APEX1: variants seen among roughly 807,000 people sequenced by gnomAD.
APEX1 encodes the protein DNA repair nuclease/redox regulator APEX1.
A neutral mutation model predicts 33.2 loss-of-function variants in APEX1; 32 were observed. The ratio of observed to expected loss-of-function variants is 0.96; its 90% CI spans 0.73 to 1.29. The LOEUF (loss-of-function observed/expected upper bound fraction) is 1.29, where lower values mean the gene tolerates loss of function less well. Among genes scored for constraint, APEX1 ranks in the 50% most tolerant of loss-of-function variants. APEX1 has a pLI of 0.00. For missense variants in APEX1, 442 were observed against 395.6 expected (o/e 1.12, Z -0.99); for synonymous variants, 175 against 156.6 (o/e 1.12, Z -0.88).
intron 3 of APEX1, 89 bp downstream of exon 3, chr14:20,456,190 T>TAAAC: frequency 6.8e-7 from 1 of 1,470,186 alleles, no homozygotes; most frequent in Non-Finnish European, 9.4e-7. Context: ...GCCTTCAGGC[T>TAAAC]GTTTTATTTT....
rs1881377914 is a variant in APEX1 at position 20,456,649 on chromosome 14, C to T, written c.247-19C>T. The T allele has an allele frequency of 1.9e-6, 3 of 1,608,400 alleles. No homozygotes were observed. The highest frequency in any genetic ancestry group is 2.6e-6 in the Non-Finnish European group (3 of 1,175,034). Reference sequence around the variant, plus strand: ...TGCTGAATTGATAATACGTTTTCCACCTTTCTTTTCACTTACAGTGGGTAA... The same window carrying T: ...TGCTGAATTGATAATACGTTTTCCATCTTTCTTTTCACTTACAGTGGGTAA... On this transcript the variant is annotated intron_variant, in intron 3 of 4. Transcript: ENST00000216714.
In APEX1 at chr14:20,457,172, G is replaced by A. The variant is rs991315635; in HGVS notation, c.621G>A (p.Leu207=). 2 of 1,614,194 alleles carry A rather than the reference G, an allele frequency of 1.2e-6. No individual in the cohort carries two copies. Among genetic ancestry groups the A allele is most frequent in the Non-Finnish European group, 1.7e-6 (2 of 1,180,036 alleles). The change falls in exon 5 of 5, where the codon CTG becomes CTA. Residue 207 remains leucine, a synonymous_variant. Transcript: ENST00000216714. ...TGGCTTCCCGAAAGCCCCTTGTGCT[G>A]TGTGGAGACCTCAATGTGGCACATG... The part of the protein sequence containing the change: ...KGLASRKPLV[L]CGDLNVAHEE...
chr14:20,456,243 A>G (rs191119659), intron 3 of APEX1, 142 bp downstream of exon 3: 1 of 944,542 alleles, frequency 1.1e-6, no homozygotes, highest in South Asian at 1.5e-5. Flanking sequence ...CAGTCTTGCC[A>G]GTTGTATTTC....
At chr14:20,455,453 G>A in intron 1 of APEX1, 59 bp downstream of exon 1, 6 of 861,094 alleles carry the variant, frequency 7.0e-6, no homozygotes, top group Middle Eastern at 3.5e-4. Flanking sequence ...GGCCTATGAT[G>A]CACGGAGGCG....
chr14:20,457,709 A>G lies in APEX1; in HGVS notation c.*201A>G, dbSNP rs185469522. 1.5e-6 allele frequency: 1 copy of G among 676,182 alleles called. No homozygotes were observed. The highest frequency in any genetic ancestry group is 1.8e-5 in the African/African-American group (1 of 55,338). 41.9% of individuals were successfully genotyped at this position (676,182 alleles called of 1,614,324 possible). The stretch of plus-strand genomic sequence containing the variant: ...TTTGTTTTTTAAAAAAAAATTGAAC[A>G]AAGACTACTAATGACTTTGTTTGAA... On this transcript the variant is annotated 3_prime_UTR_variant, in exon 5 of 5. Coordinates refer to ENST00000216714, the MANE Select transcript of APEX1 (RefSeq NM_001641.4).
Position 20,457,387 on chromosome 14 carries a change from G to A in APEX1, c.836G>A (p.Gly279Asp). The A allele has an allele frequency of 6.2e-7, 1 of 1,614,176 alleles. No individual in the cohort carries two copies. Among genetic ancestry groups the A allele is most frequent in the South Asian group, 1.1e-5 (1 of 91,074 alleles). ...ATGAATGCTCGATCCAAGAATGTTG[G>A]TTGGCGCCTTGATTACTTTTTGTTG... ...YMMNARSKNV[G>D]WRLDYFLLSH... Residue 279 changes from glycine to aspartate, a missense_variant, in exon 5 of 5, where the codon GGT (glycine) becomes GAT (aspartate). By Grantham distance (94) the Gly-to-Asp change is moderately conservative. Coordinates refer to ENST00000216714, the MANE Select transcript of APEX1 (RefSeq NM_001641.4).
At chr14:20,456,289 CTT>C (rs947189766) in intron 3 of APEX1, among the ~76,000 whole-genome samples, 188 bp downstream of exon 3, 22 of 152,130 alleles carry the variant, frequency 1.4e-4, no homozygotes, top group Admixed American at 1.2e-3. Flanking sequence ...TTGCCATTTT[CTT>C]TTTTAGTGTT....
In APEX1 at chr14:20,456,812, G is replaced by T; in HGVS notation, c.391G>T (p.Val131Leu). The T allele has an allele frequency of 6.2e-7, 1 of 1,614,214 alleles. No homozygotes were observed. Among genetic ancestry groups the T allele is most frequent in the Non-Finnish European group, 8.5e-7 (1 of 1,180,028 alleles). ...APSDKEGYSG[V>L]GLLSRQCPLK... Reference sequence around the variant, plus strand: ...TTCGGACAAGGAAGGGTACAGTGGCGTGGGCCTGCTTTCCCGCCAGTGCCC... The same window carrying T: ...TTCGGACAAGGAAGGGTACAGTGGCTTGGGCCTGCTTTCCCGCCAGTGCCC... Residue 131 changes from valine to leucine, a missense_variant, in exon 4 of 5, where the codon GTG (valine) becomes TTG (leucine). By Grantham distance (32) the Val-to-Leu change is conservative. Transcript: ENST00000216714.
At chr14:20,455,552 G>A (rs1424430979) in intron 1 of APEX1, 26 bp from the exon 2 acceptor site, 1 of 1,605,700 alleles carries the variant, frequency 6.2e-7, no homozygotes, top group Non-Finnish European at 8.5e-7. Context: ...GCCTTAGCTG[G>A]TTTCATGATT....
At chr14:20,456,417 A>C (rs1881355619) in intron 3 of APEX1, among the ~76,000 whole-genome samples, 1 of 152,178 alleles carries the variant, frequency 6.6e-6, no homozygotes, top group African/African-American at 2.4e-5. Context: ...TAGCTTAAAA[A>C]TCTTAGCTTG....
Position 20,455,708 on chromosome 14 carries a change from G to T in APEX1, c.58+5G>T. 1.2e-6 allele frequency: 2 copies of T among 1,614,244 alleles called. No individual in the cohort carries two copies. The highest frequency in any genetic ancestry group is 2.7e-5 in the African/African-American group (2 of 75,050). On this transcript the variant is annotated splice_donor_5th_base_variant and intron_variant, in intron 2 of 4. Transcript: ENST00000216714. Reference sequence around the variant, plus strand: ...ACGGGGATGAGCTCAGGACAGGTAAGGGAATGAAATCAGCCCTTCTTCCTA... The same window carrying T: ...ACGGGGATGAGCTCAGGACAGGTAATGGAATGAAATCAGCCCTTCTTCCTA...
Position 20,457,590 on chromosome 14 carries a change from T to G in APEX1, c.*82T>G. ...TCTTTAAACACTCTTCAGAGAAATC[T>G]GCATTCTATTTCTCATGTATAAAAC... On this transcript the variant is annotated 3_prime_UTR_variant, in exon 5 of 5. Transcript: ENST00000216714. The G allele has an allele frequency of 6.6e-7, 1 of 1,526,676 alleles. No individual in the cohort carries two copies. The highest frequency in any genetic ancestry group is 9.0e-7 in the Non-Finnish European group (1 of 1,110,946). 94.6% of individuals were successfully genotyped at this position (1,526,676 alleles called of 1,614,324 possible). A position where few individuals can be genotyped will look rare whatever the true frequency, so the allele number is the denominator to read the frequency against.
rs768583895 is a variant in APEX1 at position 20,456,072 on chromosome 14, C to T, written c.217C>T (p.Arg73Ter). The T allele has an allele frequency of 3.1e-6, 5 of 1,614,120 alleles. No homozygotes were observed. Among genetic ancestry groups the T allele is most frequent in the South Asian group, 2.2e-5 (2 of 91,082 alleles). Reference protein sequence around the residue: ...KICSWNVDGLRAWIKKKGLDW... With the variant: ...KICSWNVDGL ...CTGCTCTTGGAATGTGGATGGGCTT[C>T]GAGCCTGGATTAAGAAGAAAGGATT... Residue 73 changes from arginine (R) to a stop codon, truncating the protein, a stop_gained, in exon 3 of 5, where the codon CGA (arginine) becomes TGA (stop). Coordinates refer to ENST00000216714, the MANE Select transcript of APEX1 (RefSeq NM_001641.4). LOFTEE classifies it high-confidence loss of function.
Position 20,455,957 on chromosome 14 carries a change from CAAAGAGGCAGCA to C in APEX1, c.103_114del (p.Lys35_Ala38del). The C allele has an allele frequency of 6.2e-7, 1 of 1,614,098 alleles. No individual in the cohort carries two copies. The highest frequency in any genetic ancestry group is 8.5e-7 in the Non-Finnish European group (1 of 1,180,022). On this transcript the variant is annotated inframe_deletion, in exon 3 of 5. Transcript: ENST00000216714. The stretch of plus-strand genomic sequence containing the variant: ...GTAAGACGGCCGCAAAGAAAAATGA[CAAAGAGGCAGCA>C]GGAGAGGGCCCAGCCCTGTATGAGG...
rs552253788 is a variant in APEX1 at position 20,455,306 on chromosome 14, G to C, written c.-157G>C. On this transcript the variant is annotated 5_prime_UTR_variant, in exon 1 of 5. Transcript: ENST00000216714. Reference sequence around the variant, plus strand: ...GGGGTTGCTCTTTTGCTCATAAGAGGGGCTTCGCTGGCAGTCTGAACGGCA... The same window carrying C: ...GGGGTTGCTCTTTTGCTCATAAGAGCGGCTTCGCTGGCAGTCTGAACGGCA... 12 of 449,310 alleles carry C rather than the reference G, an allele frequency of 2.7e-5. No homozygotes were observed. The East Asian group carries it at 5.1e-4, about 19-fold the overall frequency. The allele number at this position is 449,310 out of a possible 1,614,324, so 27.8% of individuals were successfully genotyped here. A position where few individuals can be genotyped will look rare whatever the true frequency, so the allele number is the denominator to read the frequency against.
At position 20,456,987 on chromosome 14, in the gene APEX1, A is replaced by G. The variant is rs373588825; in HGVS notation, c.440-4A>G. 3.1e-6 allele frequency: 5 copies of G among 1,613,408 alleles called. No homozygotes were observed. Among genetic ancestry groups the G allele is most frequent in the South Asian group, 2.2e-5 (2 of 90,976 alleles). The stretch of plus-strand genomic sequence containing the variant: ...TTTATGCTAATTCTGTTTCATTTCT[A>G]TAGGCGATGAGGAGCATGATCAGGA... On this transcript the variant is annotated splice_region_variant and splice_polypyrimidine_tract_variant and intron_variant, in intron 4 of 4. Transcript: ENST00000216714.
chr14:20,457,277 A>G lies in APEX1; in HGVS notation c.726A>G (p.Glu242=). Residue 242 remains glutamate (E), a synonymous_variant, in exon 5 of 5, where the codon GAA becomes GAG. Transcript: ENST00000216714. ...FTPQERQGFG[E]LLQAVPLADS... Reference sequence around the variant, plus strand: ...CACAAGAGCGCCAAGGCTTCGGGGAATTACTGCAGGCTGTGCCACTGGCTG... The same window carrying G: ...CACAAGAGCGCCAAGGCTTCGGGGAGTTACTGCAGGCTGTGCCACTGGCTG... The G allele has an allele frequency of 6.2e-7, 1 of 1,614,218 alleles. No individual in the cohort carries two copies.
At chr14:20,456,208 C>G in intron 3 of APEX1, 107 bp downstream of exon 3, 1 of 1,321,814 alleles carries the variant, frequency 7.6e-7, no homozygotes, top group Non-Finnish European at 1.1e-6. Flanking sequence ...TTTTCTCCTG[C>G]CCGTAGTTTT....
In APEX1 at chr14:20,457,609, A is replaced by G. The variant is rs1881471666; in HGVS notation, c.*101A>G. On this transcript the variant is annotated 3_prime_UTR_variant, in exon 5 of 5. Transcript: ENST00000216714. Reference sequence around the variant, plus strand: ...GAAATCTGCATTCTATTTCTCATGTATAAAACTAGGAATCCTCCAACCAGG... The same window carrying G: ...GAAATCTGCATTCTATTTCTCATGTGTAAAACTAGGAATCCTCCAACCAGG... 1 of 1,484,720 alleles carries G rather than the reference A, an allele frequency of 6.7e-7. No homozygotes were observed. The highest frequency in any genetic ancestry group is 1.4e-5 in the African/African-American group (1 of 72,536). 92.0% of individuals were successfully genotyped at this position (1,484,720 alleles called of 1,614,324 possible).
Sources: allele counts gnomAD v4.1 joint callset (sites outside exome capture counted in the v4.1 genomes callset), GRCh38; gene constraint gnomAD v4.1.1; transcripts MANE v1.5; gene names NCBI Gene and HGNC (gene_info 2026-07-23, HGNC 2026-07-21).